Variants in RORA observed in about 807,000 individuals in gnomAD.
RORA encodes the protein nuclear receptor ROR-alpha.
RORA carries 7 observed loss-of-function variants against 69.5 expected under a neutral mutation model. The ratio of observed to expected loss-of-function variants is 0.10; its 90% CI spans 0.06 to 0.19. The LOEUF is 0.19. RORA is among the 10% of genes least tolerant of loss of function. The pLI, the probability that RORA is intolerant of heterozygous loss-of-function variation, is 1.00. For synonymous variants in RORA, 261 were observed against 240.8 expected, an observed-to-expected ratio of 1.08 and a Z score of -0.78; for missense variants, 457 against 663.0, an observed-to-expected ratio of 0.69 and a Z score of 3.41.
At chr15:60,910,856 T>C (rs76968195) in intron 1 of RORA, among the ~76,000 whole-genome samples, 2 of 151,374 alleles carry the variant, frequency 1.3e-5, no homozygotes, top group Non-Finnish European at 2.9e-5. Flanking sequence ...ACATAAATCA[T>C]CTTTATGAGG....
At chr15:61,167,244 T>C (rs1381938677) in intron 1 of RORA, among the ~76,000 whole-genome samples, 4 of 152,222 alleles carry the variant, frequency 2.6e-5, no homozygotes, top group African/African-American at 7.2e-5. Context: ...GATTTTTTTT[T>C]CCTTCATTAC....
rs1595850784 is a variant in RORA at position 60,966,837 on chromosome 15, G to A, written c.166+262216C>T. 2.0e-5 allele frequency among the ~76,000 whole-genome samples: 3 copies of A among 152,316 alleles called. 1 individual carries two copies. The highest frequency in any genetic ancestry group is 2.0e-4 in the Admixed American group (3 of 15,298). On this transcript the variant is annotated intron_variant, in intron 1 of 10. Transcript: ENST00000335670. ...ATTATACAGTTTAGCCAAGGAAGTC[G>A]GTCCAGCTCAGCACCAATTTTCACT...
intron 1 of RORA, among the ~76,000 whole-genome samples, chr15:60,716,004 T>G (rs980212460): frequency 3.9e-5 from 6 of 152,196 alleles, no homozygotes; most frequent in African/African-American, 7.2e-5. Context: ...CATCTTTAAT[T>G]ATCATTTCCC....
intron 1 of RORA, among the ~76,000 whole-genome samples, chr15:61,133,209 C>G (rs995639945): frequency 1.3e-5 from 2 of 151,776 alleles, no homozygotes; most frequent in African/African-American, 4.8e-5. Context: ...AAAGTAATAT[C>G]GATCAGGTAA....
intron 1 of RORA, among the ~76,000 whole-genome samples, chr15:60,866,210 T>C (rs2073485580): frequency 6.6e-6 from 1 of 152,188 alleles, no homozygotes; most frequent in African/African-American, 2.4e-5. Context: ...ACCTCCCCAC[T>C]ATTCTTCCCA....
At chr15:60,943,545 G>C (rs1379154275) in intron 1 of RORA, among the ~76,000 whole-genome samples, 3 of 151,696 alleles carry the variant, frequency 2.0e-5, no homozygotes, top group Non-Finnish European at 4.4e-5. Context: ...AGAAGGTCTT[G>C]GCCCAATGTG....
At chr15:61,056,156 G>A (rs952569019) in intron 1 of RORA, among the ~76,000 whole-genome samples, 1 of 152,168 alleles carries the variant, frequency 6.6e-6, no homozygotes, top group African/African-American at 2.4e-5. Context: ...TAAGAAACCA[G>A]GAAATGACAT....
chr15:60,706,998 A>T (rs568166192), intron 1 of RORA, among the ~76,000 whole-genome samples: 8 of 152,352 alleles, frequency 5.3e-5, no homozygotes, highest in African/African-American at 1.9e-4. Flanking sequence ...TAGTGGTTTT[A>T]CAAGAGAAAG....
intron 1 of RORA, among the ~76,000 whole-genome samples, chr15:61,099,649 A>G (rs1566988542): frequency 6.6e-6 from 1 of 152,258 alleles, no homozygotes; most frequent in Non-Finnish European, 1.5e-5. Context: ...AGCTCTTTTC[A>G]TCACAATTGT....
chr15:60,868,418 A>C (rs927736344), intron 1 of RORA, among the ~76,000 whole-genome samples: 1 of 152,174 alleles, frequency 6.6e-6, no homozygotes, highest in Non-Finnish European at 1.5e-5. Flanking sequence ...CATTTGAAAA[A>C]AGTAGCCTTT....
At position 60,495,127 on chromosome 15, in the gene RORA, T is replaced by G. The variant is rs898327432; in HGVS notation, c.*2328A>C. ...AAACCAAAAAACTAAAACACAAAAC[T>G]CAAACAAAAACAAAACACCATTTCC... On this transcript the variant is annotated 3_prime_UTR_variant, in exon 11 of 11. Transcript: ENST00000335670. The G allele has an allele frequency of 2.7e-5, 4 of 150,328 alleles. No individual in the cohort carries two copies. The highest frequency in any genetic ancestry group is 9.8e-5 in the African/African-American group (4 of 40,782). The allele number at this position is 150,328 out of a possible 1,614,324, so 9.3% of individuals were successfully genotyped here.
intron 1 of RORA, among the ~76,000 whole-genome samples, chr15:60,946,328 G>T (rs1390651415): frequency 6.6e-6 from 1 of 152,072 alleles, no homozygotes; most frequent in Admixed American, 6.5e-5. Flanking sequence ...GCCGAAGCGG[G>T]ACTGTACTGC....
intron 1 of RORA, among the ~76,000 whole-genome samples, chr15:61,103,958 C>T (rs1033134383): frequency 6.6e-6 from 1 of 152,204 alleles, no homozygotes; most frequent in Non-Finnish European, 1.5e-5. Context: ...GATGTTCACA[C>T]TTGGCCAATT....
At chr15:60,973,211 C>T (rs1893775309) in intron 1 of RORA, among the ~76,000 whole-genome samples, 1 of 152,072 alleles carries the variant, frequency 6.6e-6, no homozygotes, top group Non-Finnish European at 1.5e-5. Context: ...AACCTGAGGG[C>T]ATCTTAAAAT....
chr15:60,542,581 C>A (rs956361314), intron 2 of RORA, among the ~76,000 whole-genome samples: 22 of 149,006 alleles, frequency 1.5e-4, no homozygotes, highest in Non-Finnish European at 3.0e-4. Flanking sequence ...CACGCATGCA[C>A]ACCTCACACA....
At chr15:60,951,619 T>C (rs1893099141) in intron 1 of RORA, among the ~76,000 whole-genome samples, 1 of 148,132 alleles carries the variant, frequency 6.8e-6, no homozygotes. Flanking sequence ...TCACCACCGA[T>C]CCCACACAAA....
intron 2 of RORA, among the ~76,000 whole-genome samples, chr15:60,591,765 C>A (rs950699566): frequency 7.2e-5 from 11 of 152,156 alleles, no homozygotes; most frequent in African/African-American, 2.4e-4. Flanking sequence ...CGTCTCGCTC[C>A]GGCCCGCGCG....
rs189159165 is a variant in RORA, at chr15:60,503,138, T to C, written c.1076-271A>G. On this transcript the variant is annotated intron_variant, in intron 7 of 10. Coordinates refer to ENST00000335670, the MANE Select transcript of RORA (RefSeq NM_134261.3). ...TCCTTAGCACTCTTCTACCTCGCAATGCAGAGTCTCAGAGTTGCTAGGAAA... is the reference window on the plus strand; with the variant it reads ...TCCTTAGCACTCTTCTACCTCGCAACGCAGAGTCTCAGAGTTGCTAGGAAA... Among the ~76,000 whole-genome samples the C allele has an allele frequency of 1.8e-3, 267 of 152,350 alleles. 1 individual carries two copies. Among genetic ancestry groups the C allele is most frequent in the African/African-American group, 6.3e-3 (261 of 41,570 alleles).
chr15:61,200,670 A>C (rs2079887354), intron 1 of RORA, among the ~76,000 whole-genome samples: 1 of 152,252 alleles, frequency 6.6e-6, no homozygotes. Context: ...TCAGGAGGGC[A>C]CAGGCTTAAA....
Sources: gnomAD v4.1 joint callset for allele counts (sites outside exome capture counted in the v4.1 genomes callset) on GRCh38, gnomAD v4.1.1 for gene constraint, MANE v1.5 for transcripts, NCBI Gene and HGNC (gene_info 2026-07-23, HGNC 2026-07-21) for gene names.